TBX21: variants seen among roughly 807,000 people sequenced by gnomAD.
TBX21 encodes the protein T-box transcription factor TBX21.
TBX21 carries 11 observed loss-of-function variants against 52.2 expected under a neutral mutation model. The observed-to-expected ratio is 0.21, with a 90% CI of 0.13 to 0.35. The LOEUF (loss-of-function observed/expected upper bound fraction) is 0.35. Ranked by LOEUF, TBX21 falls within the 10% of genes least tolerant of loss-of-function variation. TBX21 has a pLI of 1.00. For synonymous variants in TBX21, 300 were observed against 316.1 expected, an observed-to-expected ratio of 0.95 and a Z score of 0.54; for missense variants, 625 against 755.1, an observed-to-expected ratio of 0.83 and a Z score of 2.02.
intron 1 of TBX21, among the ~76,000 whole-genome samples, chr17:47,738,031 G>A (rs62074059): frequency 9.6e-4 from 146 of 152,112 alleles, no homozygotes; most frequent in Non-Finnish European, 1.8e-3. Context: ...GCAATCTCCC[G>A]CCTCAGCCTC....
intron 1 of TBX21, among the ~76,000 whole-genome samples, chr17:47,738,749 C>T (rs1298304309): frequency 6.6e-6 from 1 of 152,052 alleles, no homozygotes; most frequent in Non-Finnish European, 1.5e-5. Flanking sequence ...TACCGGCATG[C>T]ACCACCACGC....
chr17:47,737,232 G>C (rs548495310), intron 1 of TBX21, among the ~76,000 whole-genome samples: 1 of 152,120 alleles, frequency 6.6e-6, no homozygotes, highest in South Asian at 2.1e-4. Flanking sequence ...TGTGTGTTGC[G>C]AATGTGTTGG....
chr17:47,744,255 G>A lies in TBX21; in HGVS notation c.829G>A (p.Asp277Asn), dbSNP rs769062776. ...QPRLHIVEVN[D>N]GEPEAACNAS... ...CCGGCTGCATATCGTTGAGGTGAAC[G>A]ACGGAGAGCCAGAGGCAGCCTGCAA... The change falls in exon 4 of 6, where the codon GAC (aspartate) becomes AAC (asparagine). Residue 277 changes from aspartate (D) to asparagine (N), a missense_variant. Coordinates refer to ENST00000177694, the MANE Select transcript of TBX21 (RefSeq NM_013351.2). The A allele has an allele frequency of 1.2e-6, 2 of 1,614,200 alleles. No individual in the cohort carries two copies. Among genetic ancestry groups the A allele is most frequent in the South Asian group, 1.1e-5 (1 of 91,088 alleles).
At chr17:47,735,575 C>T (rs539810253) in intron 1 of TBX21, among the ~76,000 whole-genome samples, 2 of 152,160 alleles carry the variant, frequency 1.3e-5, no homozygotes, top group South Asian at 4.1e-4. Context: ...ACACTCATTG[C>T]AGGCAGAGCT....
At chr17:47,743,431 G>A (rs998721680) in intron 3 of TBX21, among the ~76,000 whole-genome samples, 4 of 152,160 alleles carry the variant, frequency 2.6e-5, no homozygotes, top group Admixed American at 6.5e-5. Context: ...AATCTTGGAC[G>A]GGGGTCATAT....
chr17:47,739,214 T>C (rs1399369621), intron 1 of TBX21, among the ~76,000 whole-genome samples: 1 of 152,138 alleles, frequency 6.6e-6, no homozygotes, highest in Non-Finnish European at 1.5e-5. Flanking sequence ...AGGGGCTATT[T>C]TGGGATTCCA....
intron 1 of TBX21, among the ~76,000 whole-genome samples, chr17:47,734,983 A>G (rs2032192180): frequency 6.6e-6 from 1 of 151,658 alleles, no homozygotes. Context: ...TTAGTAAGCA[A>G]CCCCCGGAGT....
chr17:47,743,894 AAG>A (rs2032296746), intron 3 of TBX21, among the ~76,000 whole-genome samples: 1 of 148,924 alleles, frequency 6.7e-6, no homozygotes, highest in African/African-American at 2.5e-5. Flanking sequence ...AAAAAAAAAA[AAG>A]AAAAAAGAAA....
At chr17:47,736,347 A>G (rs1434141933) in intron 1 of TBX21, among the ~76,000 whole-genome samples, 1 of 152,140 alleles carries the variant, frequency 6.6e-6, no homozygotes. Context: ...TACTAAGTAC[A>G]TTCTAGATAT....
intron 2 of TBX21, 32 bp from the exon 3 acceptor site, chr17:47,743,039 G>T: frequency 1.9e-6 from 3 of 1,612,876 alleles, no homozygotes; most frequent in Non-Finnish European, 8.5e-7. Context: ...CTGTCCCGGG[G>T]GCTGCATGTC....
Position 47,742,642 on chromosome 17 carries a change from C to T in TBX21, c.524C>T (p.Ala175Val). The T allele has an allele frequency of 6.2e-7, 1 of 1,602,010 alleles. No homozygotes were observed. Among genetic ancestry groups the T allele is most frequent in the Non-Finnish European group, 8.5e-7 (1 of 1,175,150 alleles). Reference sequence around the variant, plus strand: ...TTCCCATTCCTGTCATTTACTGTGGCCGGGCTGGAGCCCACCAGCCACTAC... The same window carrying T: ...TTCCCATTCCTGTCATTTACTGTGGTCGGGCTGGAGCCCACCAGCCACTAC... ...RMFPFLSFTV[A>V]GLEPTSHYRM... Residue 175 changes from alanine (A) to valine (V), a missense_variant, in exon 2 of 6, where the codon GCC becomes GTC. Around this residue, in one of 4 missense-constraint regions of TBX21, gnomAD observed 142 missense variants for 258.5 expected, o/e 0.55. Transcript: ENST00000177694. This position sits in a 1 kb window ranked among gnomAD's most constrained non-coding sequence, Gnocchi z 4.4.
At chr17:47,737,101 A>G (rs954303040) in intron 1 of TBX21, among the ~76,000 whole-genome samples, 3 of 152,198 alleles carry the variant, frequency 2.0e-5, no homozygotes, top group South Asian at 2.1e-4. Context: ...AGGGGAACTG[A>G]GAACAAAACG....
chr17:47,741,559 G>A (rs998699388), intron 1 of TBX21, among the ~76,000 whole-genome samples: 2 of 152,164 alleles, frequency 1.3e-5, no homozygotes, highest in African/African-American at 4.8e-5. Flanking sequence ...GTTCAACTAG[G>A]ATGTGTGCAA....
At chr17:47,741,857 A>T (rs1378038850) in intron 1 of TBX21, among the ~76,000 whole-genome samples, 1 of 152,016 alleles carries the variant, frequency 6.6e-6, no homozygotes, top group African/African-American at 2.4e-5. Flanking sequence ...TCTGATTTGT[A>T]GTGTTTGCTG....
chr17:47,738,787 G>A (rs1305207268), intron 1 of TBX21, among the ~76,000 whole-genome samples: 1 of 152,026 alleles, frequency 6.6e-6, no homozygotes, highest in Non-Finnish European at 1.5e-5. Context: ...TTTTAATAGA[G>A]ATGGGGTTTC....
Position 47,733,988 on chromosome 17 carries a change from C to G in TBX21, c.491+43C>G, listed in dbSNP as rs41444548. 98,147 of 1,611,162 alleles carry G rather than the reference C, an allele frequency of 0.061. 3,527 individuals carry two copies. The highest frequency in any genetic ancestry group is 0.073 in the Non-Finnish European group (85,529 of 1,178,780). On this transcript the variant is annotated intron_variant, in intron 1 of 5. Coordinates refer to ENST00000177694, the MANE Select transcript of TBX21 (RefSeq NM_013351.2). The surrounding 1 kb of genome is among the most constrained non-coding windows in gnomAD (Gnocchi z 6.6). ...GCCCTTGGGGCCTCTGTGCCCGCGC[C>G]GGAACAAGAACGTCTCGTCTGTTTT... is the stretch of plus-strand genomic sequence containing the variant.
In TBX21 at chr17:47,745,517, AT is replaced by A; in HGVS notation, c.*155del. 8.7e-7 allele frequency: 1 copy of A among 1,150,478 alleles called. No homozygotes were observed. The highest frequency in any genetic ancestry group is 1.2e-6 in the Non-Finnish European group (1 of 839,774). 71.3% of individuals were successfully genotyped at this position (1,150,478 alleles called of 1,614,324 possible). On this transcript the variant is annotated 3_prime_UTR_variant, in exon 6 of 6. Transcript: ENST00000177694. ...GTTGGGGAAGTGGGGCTCAAGAAGG[AT>A]TTTGGGGTTCACCAGATGCTTCCTG...
intron 1 of TBX21, among the ~76,000 whole-genome samples, chr17:47,737,586 T>C (rs1265276041): frequency 1.3e-5 from 2 of 152,172 alleles, no homozygotes; most frequent in African/African-American, 4.8e-5. Context: ...GGAAGTGGAC[T>C]TGAACCTCCC....
rs762851586 is a variant in TBX21 at position 47,744,776 on chromosome 17, C to T, written c.1018C>T (p.Pro340Ser). 7 of 1,613,776 alleles carry T rather than the reference C, an allele frequency of 4.3e-6. No individual in the cohort carries two copies. The South Asian group carries it at 6.6e-5, about 15-fold the overall frequency. The change falls in exon 6 of 6, where the codon CCC (proline) becomes TCC (serine). Residue 340 changes from proline (P) to serine (S), a missense_variant. This residue lies in a region of TBX21 where 261 missense variants were observed against 275.1 expected (regional missense o/e 0.95). Transcript: ENST00000177694. ...SMYTSVDTSI[P>S]SPPGPNCQFL... ...GTACACATCTGTTGACACCAGCATC[C>T]CCTCCCCGCCTGGACCCAACTGTCA...
Sources: allele counts gnomAD v4.1 joint callset (sites outside exome capture counted in the v4.1 genomes callset), GRCh38; gene constraint gnomAD v4.1.1; regional missense constraint gnomAD v4.1.1; non-coding constraint Gnocchi (gnomAD v3.1); transcripts MANE v1.5; gene names NCBI Gene and HGNC (gene_info 2026-07-23, HGNC 2026-07-21).